Variants in ACVR2A observed in about 807,000 individuals in gnomAD.
ACVR2A encodes activin A receptor type 2A.
In ACVR2A, 7 loss-of-function variants were observed where a neutral mutation model predicts 61.4. The ratio of observed to expected loss-of-function variants is 0.11; its 90% CI spans 0.06 to 0.21. ACVR2A has a LOEUF of 0.21. Ranked by LOEUF, ACVR2A falls within the 10% of genes least tolerant of loss-of-function variation. The pLI is 1.00. For missense variants in ACVR2A, 322 were observed against 621.7 expected (o/e 0.52, Z 5.13); for synonymous variants, 193 against 208.3 (o/e 0.93, Z 0.63).
intron 1 of ACVR2A, among the ~76,000 whole-genome samples, chr2:147,886,574 T>C (rs1333558521): frequency 6.6e-6 from 1 of 152,232 alleles, no homozygotes; most frequent in Non-Finnish European, 1.5e-5. Context: ...TATTGTCATC[T>C]TAATCAGAAA....
intron 1 of ACVR2A, among the ~76,000 whole-genome samples, chr2:147,885,269 T>C (rs1686402731): frequency 6.6e-6 from 1 of 152,170 alleles, no homozygotes; most frequent in Non-Finnish European, 1.5e-5. Flanking sequence ...AAAAAGTTTT[T>C]CATATTTTGA....
chr2:147,882,270 G>T (rs972268138), intron 1 of ACVR2A, among the ~76,000 whole-genome samples: 2 of 152,204 alleles, frequency 1.3e-5, no homozygotes, highest in Admixed American at 1.3e-4. Context: ...CTTAAATAAC[G>T]CTGGATGCAG....
chr2:147,898,051 A>G (rs75388886), intron 2 of ACVR2A, among the ~76,000 whole-genome samples: 1 of 152,144 alleles, frequency 6.6e-6, no homozygotes, highest in African/African-American at 2.4e-5. Flanking sequence ...TACTCCAGCT[A>G]TGTGAGACTC....
chr2:147,901,212 T>G (rs1430705703), intron 4 of ACVR2A, among the ~76,000 whole-genome samples: 1 of 152,048 alleles, frequency 6.6e-6, no homozygotes, highest in African/African-American at 2.4e-5. Context: ...GTGATAACTT[T>G]TAAAAAATTT....
At chr2:147,879,366 T>C (rs1686238842) in intron 1 of ACVR2A, among the ~76,000 whole-genome samples, 1 of 152,198 alleles carries the variant, frequency 6.6e-6, no homozygotes, top group Non-Finnish European at 1.5e-5. Context: ...AAAGCCCTTT[T>C]TATAATGGCA....
intron 1 of ACVR2A, among the ~76,000 whole-genome samples, chr2:147,857,552 CAAAA>C (rs1408059262): frequency 1.0e-4 from 11 of 107,594 alleles, no homozygotes; most frequent in East Asian, 2.9e-4. Context: ...AAAAAAAAAA[CAAAA>C]AAACCCCTAA....
chr2:147,917,469 C>G (rs1558813551), intron 6 of ACVR2A, 43 bp downstream of exon 6: 1 of 1,599,256 alleles, frequency 6.3e-7, no homozygotes, highest in Admixed American at 1.7e-5. Flanking sequence ...TCTGAGTTGG[C>G]CTGCCTACCT....
chr2:147,896,233 T>C (rs1686729911), intron 1 of ACVR2A, 68 bp from the exon 2 acceptor site: 2 of 1,405,286 alleles, frequency 1.4e-6, no homozygotes, highest in African/African-American at 1.4e-5. Flanking sequence ...CTAAAGTTGC[T>C]ATCTTGGGAA....
chr2:147,911,358 G>A (rs1259312548), intron 4 of ACVR2A, among the ~76,000 whole-genome samples: 1 of 151,922 alleles, frequency 6.6e-6, no homozygotes, highest in African/African-American at 2.4e-5. Flanking sequence ...ACTTTCCTCT[G>A]TTTGTAAGGA....
At chr2:147,889,638 T>C (rs1686531478) in intron 1 of ACVR2A, among the ~76,000 whole-genome samples, 1 of 151,780 alleles carries the variant, frequency 6.6e-6, no homozygotes, top group South Asian at 2.1e-4. Flanking sequence ...TCCCAGCTAC[T>C]TGGGAGGCTG....
At chr2:147,914,060 T>A (rs1487760424) in intron 4 of ACVR2A, among the ~76,000 whole-genome samples, 2 of 151,782 alleles carry the variant, frequency 1.3e-5, no homozygotes, top group Non-Finnish European at 2.9e-5. Flanking sequence ...GTGAGCTGAG[T>A]GATGCCTAAA....
intron 1 of ACVR2A, among the ~76,000 whole-genome samples, chr2:147,859,565 T>A (rs1685673904): frequency 6.6e-6 from 1 of 152,018 alleles, no homozygotes; most frequent in South Asian, 2.1e-4. Flanking sequence ...AAACTTCAGT[T>A]GTGTGTGTGA....
chr2:147,909,483 C>G (rs1173237640), intron 4 of ACVR2A, among the ~76,000 whole-genome samples: 1 of 152,116 alleles, frequency 6.6e-6, no homozygotes, highest in East Asian at 1.9e-4. Context: ...CTTTTTCTCA[C>G]CTACAAACCT....
intron 1 of ACVR2A, among the ~76,000 whole-genome samples, chr2:147,874,610 T>C (rs1263192672): frequency 6.6e-6 from 1 of 151,910 alleles, no homozygotes; most frequent in Non-Finnish European, 1.5e-5. Flanking sequence ...GCTCAGTCAG[T>C]CTCTGAGAGT....
At chr2:147,848,002 G>A (rs1182629427) in intron 1 of ACVR2A, among the ~76,000 whole-genome samples, 1 of 152,068 alleles carries the variant, frequency 6.6e-6, no homozygotes, top group East Asian at 1.9e-4. Context: ...GGAGCAGTAT[G>A]GTCAATGTAT....
intron 1 of ACVR2A, among the ~76,000 whole-genome samples, chr2:147,879,706 G>A (rs1390371994): frequency 6.6e-6 from 1 of 152,200 alleles, no homozygotes; most frequent in Non-Finnish European, 1.5e-5. Context: ...GCCAAGGGTA[G>A]TGGGAAGCCA....
At chr2:147,883,949 C>T (rs1686371184) in intron 1 of ACVR2A, among the ~76,000 whole-genome samples, 2 of 152,092 alleles carry the variant, frequency 1.3e-5, no homozygotes, top group Admixed American at 1.3e-4. Context: ...AAAAGAGGGC[C>T]TGCATCTTCC....
chr2:147,870,390 G>A (rs955913139), intron 1 of ACVR2A, among the ~76,000 whole-genome samples: 4 of 151,924 alleles, frequency 2.6e-5, no homozygotes, highest in Non-Finnish European at 5.9e-5. Context: ...TTAGTCTTTG[G>A]GTGAAGTATA....
At chr2:147,905,096 T>C (rs186650324) in intron 4 of ACVR2A, among the ~76,000 whole-genome samples, 223 of 152,170 alleles carry the variant, frequency 1.5e-3, no homozygotes, top group Non-Finnish European at 2.5e-3. Flanking sequence ...TATGAAAAAA[T>C]AGAATCATTT....
Sources: gnomAD v4.1 joint callset for allele counts (sites outside exome capture counted in the v4.1 genomes callset) on GRCh38, gnomAD v4.1.1 for gene constraint, MANE v1.5 for transcripts, NCBI Gene and HGNC (gene_info 2026-07-23, HGNC 2026-07-21) for gene names.